The following IQGAP1 variants were observed in gnomAD, a reference collection of about 807,000 sequenced individuals.
IQGAP1 encodes IQ motif containing GTPase activating protein 1.
A neutral mutation model predicts 215.6 loss-of-function variants in IQGAP1; 66 were observed. The ratio of observed to expected loss-of-function variants is 0.31; its 90% CI spans 0.25 to 0.38. IQGAP1 has a LOEUF of 0.38. Among genes scored for constraint, IQGAP1 ranks in the 10% least tolerant of loss-of-function variants. IQGAP1 has a pLI of 1.00. For synonymous variants in IQGAP1, 772 were observed against 728.7 expected, an observed-to-expected ratio of 1.06 and a Z score of -0.96; for missense variants, 1,712 against 1,997.1, an observed-to-expected ratio of 0.86 and a Z score of 2.72.
At chr15:90,489,633 G>A (rs558533036) in intron 33 of IQGAP1, among the ~76,000 whole-genome samples, 4 of 152,290 alleles carry the variant, frequency 2.6e-5, no homozygotes, top group African/African-American at 9.6e-5. Context: ...TGATGCCTCT[G>A]GCAAACTCTT....
At chr15:90,403,682 G>A (rs571357985) in intron 2 of IQGAP1, among the ~76,000 whole-genome samples, 2 of 152,160 alleles carry the variant, frequency 1.3e-5, no homozygotes, top group East Asian at 3.9e-4. Context: ...TCTTTTTGTT[G>A]TTGTTTTTTG....
At position 90,496,348 on chromosome 15, in the gene IQGAP1, C is replaced by T. The variant is rs1362931733; in HGVS notation, c.4752-884C>T. 4.1e-5 allele frequency among the ~76,000 whole-genome samples: 5 copies of T among 121,076 alleles called. No homozygotes were observed. The East Asian group carries it at 6.4e-4, about 16-fold the overall frequency. The allele number at this position is 121,076 out of a possible 152,430, so 79.4% of individuals were successfully genotyped here. The stretch of plus-strand genomic sequence containing the variant: ...TTTTTTTTTTTTTGAGACGGAGTCT[C>T]GCCCTATCACCAGACTGGACTGCAG... On this transcript the variant is annotated intron_variant, in intron 36 of 37. Coordinates refer to ENST00000268182, the MANE Select transcript of IQGAP1 (RefSeq NM_003870.4).
intron 2 of IQGAP1, among the ~76,000 whole-genome samples, chr15:90,419,182 A>G (rs1219245459): frequency 1.3e-5 from 2 of 151,756 alleles, no homozygotes; most frequent in South Asian, 2.1e-4. Context: ...TCAGAATCAC[A>G]CCAACTTGGG....
At chr15:90,459,890 AG>A (rs773385233) in intron 15 of IQGAP1, among the ~76,000 whole-genome samples, 1 of 152,198 alleles carries the variant, frequency 6.6e-6, no homozygotes, top group Non-Finnish European at 1.5e-5. Flanking sequence ...TTTTGGTATC[AG>A]GGTAATACTG....
chr15:90,391,593 T>C (rs1199395108), intron 2 of IQGAP1: 1 of 152,436 alleles, frequency 6.6e-6, no homozygotes, highest in African/African-American at 2.4e-5. Context: ...CTGCTTGGTT[T>C]GGGAGGCTTA....
chr15:90,470,520 A>G (rs894364725), intron 18 of IQGAP1, among the ~76,000 whole-genome samples: 2 of 152,168 alleles, frequency 1.3e-5, no homozygotes, highest in African/African-American at 2.4e-5. Flanking sequence ...GTAGCAGCCT[A>G]CATACTTAAG....
chr15:90,473,913 G>A lies in IQGAP1; in HGVS notation c.2451G>A (p.Arg817=), dbSNP rs771659086. The change falls in exon 21 of 38, where the codon AGG becomes AGA. Residue 817 remains arginine (R), a synonymous_variant. Coordinates refer to ENST00000268182, the MANE Select transcript of IQGAP1 (RefSeq NM_003870.4). ...DEVVKIQSLA[R]MHQARKRYRD... ...TTCCACAGATTCAGTCCCTGGCAAG[G>A]ATGCACCAAGCTCGAAAGCGCTATC... 7 of 1,613,878 alleles carry A rather than the reference G, an allele frequency of 4.3e-6. No homozygotes were observed. In the South Asian group the frequency reaches 7.7e-5, roughly 18 times the overall value.
chr15:90,483,568 C>T lies in IQGAP1; in HGVS notation c.3763C>T (p.Leu1255Phe), dbSNP rs1431273262. ...CCACTTAAGCATCATTAATGAATAT[C>T]TTTCCCAGTCCTACCAGAAATTCAG... is the stretch of plus-strand genomic sequence containing the variant. ...NAHLSIINEY[L>F]SQSYQKFRRF... Residue 1255 changes from leucine to phenylalanine, a missense_variant, in exon 29 of 38, where the codon CTT (leucine) becomes TTT (phenylalanine). Physicochemically the swap from Leu to Phe is conservative, Grantham distance 22 (BLOSUM62 0). Around this residue, in one of 2 missense-constraint regions of IQGAP1, gnomAD observed 691 missense variants for 923.0 expected, o/e 0.75. Coordinates refer to ENST00000268182, the MANE Select transcript of IQGAP1 (RefSeq NM_003870.4). 6.2e-7 allele frequency: 1 copy of T among 1,612,228 alleles called. No individual in the cohort carries two copies. Among genetic ancestry groups the T allele is most frequent in the East Asian group, 2.2e-5 (1 of 44,882 alleles).
At chr15:90,428,446 A>G (rs1965257096) in intron 3 of IQGAP1, among the ~76,000 whole-genome samples, 1 of 152,036 alleles carries the variant, frequency 6.6e-6, no homozygotes. Flanking sequence ...CAGAATGGGA[A>G]GATAGTGTAA....
At chr15:90,391,183 A>G in intron 2 of IQGAP1, 1 of 247,972 alleles carries the variant, frequency 4.0e-6, no homozygotes, top group Non-Finnish European at 8.1e-6. Flanking sequence ...GGCAGCAGTG[A>G]GCCGTGCTCT....
At chr15:90,435,987 T>C (rs1400636636) in intron 5 of IQGAP1, among the ~76,000 whole-genome samples, 1 of 151,908 alleles carries the variant, frequency 6.6e-6, no homozygotes, top group Non-Finnish European at 1.5e-5. Context: ...CACCTTGCTA[T>C]ATTGGATAAG....
intron 9 of IQGAP1, among the ~76,000 whole-genome samples, chr15:90,447,192 T>A (rs569675189): frequency 6.6e-6 from 1 of 152,336 alleles, no homozygotes; most frequent in South Asian, 2.1e-4. Context: ...CAGCCACATA[T>A]ACCTGCAGAC....
intron 2 of IQGAP1, chr15:90,391,690 G>A (rs943405642): frequency 1.3e-5 from 2 of 152,306 alleles, no homozygotes; most frequent in East Asian, 3.8e-4. Context: ...TGAATGTAAA[G>A]CTGCTCTTTT....
At chr15:90,484,131 C>A in intron 29 of IQGAP1, 89 bp from the exon 30 acceptor site, 1 of 1,169,372 alleles carries the variant, frequency 8.6e-7, no homozygotes, top group Non-Finnish European at 1.2e-6. Flanking sequence ...TCTGTTTGCA[C>A]TCATTGTGTG....
In IQGAP1 at chr15:90,478,552, G is replaced by A. The variant is rs914861894; in HGVS notation, c.3329+663G>A. 5.9e-5 allele frequency among the ~76,000 whole-genome samples: 9 copies of A among 152,180 alleles called. No individual in the cohort carries two copies. The East Asian group carries it at 1.2e-3, about 20-fold the overall frequency. ...GAAAGTTTTATGAAGTTTTATGTACGGTTCTTTAATGGAGACTTTATAAGA... is the reference window on the plus strand; with the variant it reads ...GAAAGTTTTATGAAGTTTTATGTACAGTTCTTTAATGGAGACTTTATAAGA... On this transcript the variant is annotated intron_variant, in intron 26 of 37. Transcript: ENST00000268182.
At chr15:90,456,893 AATAT>A (rs58278172) in intron 15 of IQGAP1, among the ~76,000 whole-genome samples, 5 of 139,466 alleles carry the variant, frequency 3.6e-5, no homozygotes, top group South Asian at 4.4e-4. Context: ...GTCTCAAAAA[AATAT>A]ATATATATAT....
chr15:90,492,334 GGT>G (rs1966216641), intron 34 of IQGAP1, among the ~76,000 whole-genome samples: 1 of 151,304 alleles, frequency 6.6e-6, no homozygotes, highest in Non-Finnish European at 1.5e-5. Flanking sequence ...TGGAGGCTGA[GGT>G]GGGAGGATCA....
chr15:90,463,121 TA>T (rs1180125592), intron 15 of IQGAP1, among the ~76,000 whole-genome samples: 1 of 152,214 alleles, frequency 6.6e-6, no homozygotes, highest in Non-Finnish European at 1.5e-5. Flanking sequence ...TTTTCTGTAT[TA>T]ATGTTTCCCT....
chr15:90,421,045 G>C (rs931564492), intron 2 of IQGAP1, among the ~76,000 whole-genome samples: 6 of 152,150 alleles, frequency 3.9e-5, no homozygotes, highest in Non-Finnish European at 7.3e-5. Context: ...GAGGAGACGG[G>C]AGAATTGCTT....
Sources: gnomAD v4.1 joint callset for allele counts (sites outside exome capture counted in the v4.1 genomes callset) on GRCh38, gnomAD v4.1.1 for gene constraint, gnomAD v4.1.1 regional missense constraint, MANE v1.5 for transcripts, NCBI Gene and HGNC (gene_info 2026-07-23, HGNC 2026-07-21) for gene names.